The following GAK variants were observed in gnomAD, a reference collection of about 807,000 sequenced individuals.
GAK encodes cyclin-G-associated kinase.
GAK carries 79 observed loss-of-function variants against 143.9 expected under a neutral mutation model. That is an observed-to-expected ratio of 0.55 (90% CI 0.46 to 0.66). The LOEUF (loss-of-function observed/expected upper bound fraction) is 0.66. Ranked by LOEUF, GAK falls within the 30% of genes least tolerant of loss-of-function variation. GAK has a pLI of 0.00. For synonymous variants in GAK, 881 were observed against 765.5 expected, an observed-to-expected ratio of 1.15 and a Z score of -2.49; for missense variants, 1,693 against 1,779.7, an observed-to-expected ratio of 0.95 and a Z score of 0.88.
intron 9 of GAK, 46 bp from the exon 10 acceptor site, chr4:890,668 C>G (rs1394793312): frequency 6.7e-7 from 1 of 1,503,094 alleles, no homozygotes; most frequent in Admixed American, 1.9e-5. Flanking sequence ...ACTGACAACT[C>G]ACGCCTGCCC....
rs549888209 is a variant in GAK at position 873,055 on chromosome 4, G to C, written c.2055-2151C>G. Among the ~76,000 whole-genome samples, 28 of 152,240 alleles carry C rather than the reference G, an allele frequency of 1.8e-4. No individual in the cohort carries two copies. The South Asian group carries it at 3.9e-3, about 21-fold the overall frequency. ...TCACCACGCAGGGAACACGCCTCTCGCCCACAGCGCAGCCTTGATCTCGCA... is the reference window on the plus strand; with the variant it reads ...TCACCACGCAGGGAACACGCCTCTCCCCCACAGCGCAGCCTTGATCTCGCA... On this transcript the variant is annotated intron_variant, in intron 18 of 27. Transcript: ENST00000314167.
rs1366566012 is a variant in GAK, at chr4:904,776, T to C, written c.386A>G (p.Gln129Arg). 1.2e-6 allele frequency: 2 copies of C among 1,613,874 alleles called. No individual in the cohort carries two copies. The highest frequency in any genetic ancestry group is 1.7e-6 in the Non-Finnish European group (2 of 1,179,878). The change falls in exon 5 of 28, where the codon CAG (glutamine) becomes CGG (arginine). Residue 129 changes from glutamine to arginine, a missense_variant. By Grantham distance (43) the Gln-to-Arg change is conservative. Around this residue, in one of 2 missense-constraint regions of GAK, gnomAD observed 871 missense variants for 991.0 expected, o/e 0.88. Transcript: ENST00000314167. ...FLLLTELCKG[Q>R]LVEFLKKMES... ...CATTTTCTTCAAAAATTCCACCAGC[T>C]GCCCTAAAAGAGAATGAAACTCACA...
rs762866786 is a variant in GAK, at chr4:870,913, A to G, written c.2055-9T>C. 3 of 1,602,200 alleles carry G rather than the reference A, an allele frequency of 1.9e-6. No individual in the cohort carries two copies. In the South Asian group the frequency reaches 3.3e-5, roughly 18 times the overall value. ...ACGCGTCCAGGTCATACCTGCGGTT[A>G]CAAGTAGACACCACTTAGGAAGGCC... On this transcript the variant is annotated splice_polypyrimidine_tract_variant and intron_variant, in intron 18 of 27. Transcript: ENST00000314167.
Position 882,833 on chromosome 4 carries a change from G to A in GAK, c.1405-14C>T, listed in dbSNP as rs1343099028. The A allele has an allele frequency of 6.2e-7, 1 of 1,605,040 alleles. No homozygotes were observed. The highest frequency in any genetic ancestry group is 8.5e-7 in the Non-Finnish European group (1 of 1,178,462). ...ACACTCGGAGACCTGTGGGGACAGG[G>A]CACGGTGGCACGGACGGCAGAGGAG... On this transcript the variant is annotated splice_polypyrimidine_tract_variant and intron_variant, in intron 13 of 27. Coordinates refer to ENST00000314167, the MANE Select transcript of GAK (RefSeq NM_005255.4).
chr4:917,361 C>T (rs867060969), intron 1 of GAK, among the ~76,000 whole-genome samples: 3 of 147,252 alleles, frequency 2.0e-5, no homozygotes, highest in Non-Finnish European at 3.0e-5. Flanking sequence ...CACACACATA[C>T]AGTCAGTGTA....
At chr4:910,198 G>A (rs889370804) in intron 4 of GAK, among the ~76,000 whole-genome samples, 33 of 152,238 alleles carry the variant, frequency 2.2e-4, no homozygotes, top group African/African-American at 7.5e-4. Context: ...AGGTGCAGCC[G>A]CTATATCCAA....
intron 10 of GAK, among the ~76,000 whole-genome samples, chr4:889,880 G>C (rs1181603659): frequency 1.3e-5 from 2 of 152,202 alleles, no homozygotes; most frequent in South Asian, 2.1e-4. Context: ...CACCAGCTGA[G>C]GGCCCTCCAG....
chr4:858,068 C>T (rs1749604139), intron 24 of GAK, among the ~76,000 whole-genome samples: 1 of 152,188 alleles, frequency 6.6e-6, no homozygotes, highest in African/African-American at 2.4e-5. Flanking sequence ...TCATTGTGGT[C>T]AGACGGCATG....
intron 11 of GAK, chr4:887,233 C>T (rs1159462420): frequency 7.8e-6 from 1 of 127,392 alleles, no homozygotes; most frequent in Non-Finnish European, 1.8e-5. Flanking sequence ...GGCTCACGCG[C>T]ACTCACGTGT....
chr4:927,011 C>G (rs1288805681), intron 1 of GAK, among the ~76,000 whole-genome samples: 3 of 29,682 alleles, frequency 1.0e-4, no homozygotes, highest in Admixed American at 2.6e-4. Context: ...CTCACCAGCG[C>G]TCCGCACTGC....
intron 9 of GAK, among the ~76,000 whole-genome samples, chr4:891,921 C>T (rs1442439459): frequency 6.6e-6 from 1 of 152,198 alleles, no homozygotes; most frequent in Non-Finnish European, 1.5e-5. Context: ...GAGCGCCCCA[C>T]ACCTCAAAAT....
chr4:886,770 G>C (rs7657611), intron 11 of GAK: 39,647 of 152,158 alleles, frequency 0.26, 5,264 homozygotes, highest in African/African-American at 0.28. Flanking sequence ...CCTGGGCCCA[G>C]TGGGCGGTGC....
At chr4:930,397 T>C (rs1725458430) in intron 1 of GAK, among the ~76,000 whole-genome samples, 1 of 151,858 alleles carries the variant, frequency 6.6e-6, no homozygotes, top group African/African-American at 2.4e-5. Flanking sequence ...TTCCTTGTTC[T>C]TCTTCCTGGG....
chr4:856,704 T>TGCTCACCACCACAGCTGCTCACCACAGC (rs1749355003), intron 24 of GAK, among the ~76,000 whole-genome samples: 1 of 89,744 alleles, frequency 1.1e-5, no homozygotes, highest in African/African-American at 4.8e-5. Context: ...CTGCCCACAT[T>TGCTCACCACCACAGCTGCTCACCACAGC]TGCTCACCAC....
intron 23 of GAK, among the ~76,000 whole-genome samples, chr4:861,394 G>A (rs557688103): frequency 1.3e-5 from 2 of 152,202 alleles, no homozygotes; most frequent in East Asian, 1.9e-4. Context: ...GTTCAAGGTC[G>A]GCCTGGACAA....
chr4:855,642 C>A (rs1184604159), intron 24 of GAK, among the ~76,000 whole-genome samples: 1 of 152,204 alleles, frequency 6.6e-6, no homozygotes, highest in Non-Finnish European at 1.5e-5. Flanking sequence ...GACACTCCTG[C>A]CCTGTTCCTG....
At chr4:912,676 A>G in intron 3 of GAK, 59 bp downstream of exon 3, 1 of 1,378,548 alleles carries the variant, frequency 7.3e-7, no homozygotes, top group African/African-American at 1.4e-5. Flanking sequence ...TCACAGCTTG[A>G]CGCAGGCCTG....
At chr4:904,899 C>A (rs1284843101) in intron 4 of GAK, 120 bp from the exon 5 acceptor site, 1 of 1,004,996 alleles carries the variant, frequency 1.0e-6, no homozygotes, top group Non-Finnish European at 1.5e-6. Context: ...ACTTTCCACA[C>A]CTAAGTAACA....
At position 849,946 on chromosome 4, in the gene GAK, C is replaced by T. The variant is rs758366382; in HGVS notation, c.3780G>A (p.Pro1260=). The change falls in exon 27 of 28, where the codon CCG becomes CCA. Residue 1260 remains proline, a synonymous_variant. Transcript: ENST00000314167. ...TPVGMADLVA[P]EQVKKHYRRA... ...GGCGATAGTGCTTCTTCACTTGCTC[C>T]GGAGCCACCAGGTCGGCCATGCCCA... 8.1e-5 allele frequency: 131 copies of T among 1,611,688 alleles called. No homozygotes were observed. The highest frequency in any genetic ancestry group is 2.0e-4 in the East Asian group (9 of 44,816).
Sources: allele counts gnomAD v4.1 joint callset (sites outside exome capture counted in the v4.1 genomes callset), GRCh38; gene constraint gnomAD v4.1.1; regional missense constraint gnomAD v4.1.1; transcripts MANE v1.5; gene names NCBI Gene and HGNC (gene_info 2026-07-23, HGNC 2026-07-21).